Variants in DLG2 observed in about 807,000 individuals in gnomAD.
DLG2 encodes the protein discs large MAGUK scaffold protein 2.
In DLG2, 45 loss-of-function variants were observed where a neutral mutation model predicts 132.5. That is an observed-to-expected ratio of 0.34 (90% CI 0.27 to 0.44). DLG2 has a LOEUF of 0.44. Ranked by LOEUF, DLG2 falls within the 20% of genes least tolerant of loss-of-function variation. The pLI is 1.00. For missense variants in DLG2, 1,045 were observed against 1,196.9 expected, an observed-to-expected ratio of 0.87 and a Z score of 1.87; for synonymous variants, 424 against 419.6, an observed-to-expected ratio of 1.01 and a Z score of -0.13.
chr11:85,577,973 C>G (rs571877131), intron 3 of DLG2, among the ~76,000 whole-genome samples: 4 of 152,234 alleles, frequency 2.6e-5, no homozygotes, highest in Non-Finnish European at 5.9e-5. Context: ...AGGCATCATG[C>G]TACCTGACTT....
intron 18 of DLG2, among the ~76,000 whole-genome samples, chr11:83,643,877 T>C (rs2067323835): frequency 6.6e-6 from 1 of 152,090 alleles, no homozygotes; most frequent in South Asian, 2.1e-4. Flanking sequence ...CTAGACTTTG[T>C]TCTACAAGTG....
intron 7 of DLG2, among the ~76,000 whole-genome samples, chr11:84,344,282 C>A (rs1157652922): frequency 6.6e-6 from 1 of 152,086 alleles, no homozygotes; most frequent in East Asian, 1.9e-4. Flanking sequence ...TGTAAAATGT[C>A]TGTACTAATT....
At chr11:85,249,566 G>A (rs1162756209) in intron 4 of DLG2, among the ~76,000 whole-genome samples, 1 of 152,078 alleles carries the variant, frequency 6.6e-6, no homozygotes, top group Non-Finnish European at 1.5e-5. Flanking sequence ...AGTTGAGAGT[G>A]CTGAGAACAA....
At chr11:85,379,979 A>G (rs2085740932) in intron 3 of DLG2, among the ~76,000 whole-genome samples, 1 of 152,238 alleles carries the variant, frequency 6.6e-6, no homozygotes, top group Non-Finnish European at 1.5e-5. Flanking sequence ...ATTACATAAA[A>G]GATGAACATC....
intron 7 of DLG2, among the ~76,000 whole-genome samples, chr11:84,321,199 C>T (rs1274627506): frequency 1.3e-5 from 2 of 152,088 alleles, no homozygotes; most frequent in Non-Finnish European, 2.9e-5. Flanking sequence ...ATATCTTTAA[C>T]ATTTATCTAT....
intron 3 of DLG2, among the ~76,000 whole-genome samples, chr11:85,592,270 A>G (rs1000017723): frequency 1.3e-5 from 2 of 152,226 alleles, no homozygotes; most frequent in Non-Finnish European, 2.9e-5. Context: ...TTCAATTGCA[A>G]TAACTAAAAC....
rs576780661 is a variant in DLG2, at chr11:85,123,041, G to A, written c.283-11306C>T. Among the ~76,000 whole-genome samples the A allele has an allele frequency of 2.5e-4, 33 of 132,878 alleles. No homozygotes were observed. The East Asian group carries it at 7.0e-3, about 28-fold the overall frequency. The allele number at this position is 132,878 out of a possible 152,430, so 87.2% of individuals were successfully genotyped here. A position where few individuals can be genotyped will look rare whatever the true frequency, so the allele number is the denominator to read the frequency against. ...CGCCCAAGCTGGAGTGCCATGGTGC[G>A]ATCTCGGCTCACTGCAAGCTCCACC... On this transcript the variant is annotated intron_variant, in intron 5 of 27. Coordinates refer to ENST00000376104, the MANE Select transcript of DLG2 (RefSeq NM_001142699.3).
chr11:84,310,513 G>T (rs775370390), intron 7 of DLG2, among the ~76,000 whole-genome samples: 2 of 151,934 alleles, frequency 1.3e-5, no homozygotes, highest in African/African-American at 2.4e-5. Flanking sequence ...GCCTCTCCTT[G>T]CCCTATCCCA....
intron 11 of DLG2, among the ~76,000 whole-genome samples, chr11:84,023,113 G>C (rs541243448): frequency 2.6e-5 from 4 of 152,222 alleles, no homozygotes; most frequent in African/African-American, 7.2e-5. Context: ...ATAAAAACTA[G>C]AAGATTCAAT....
intron 8 of DLG2, among the ~76,000 whole-genome samples, chr11:84,196,662 C>A (rs1277794389): frequency 6.6e-6 from 1 of 152,024 alleles, no homozygotes; most frequent in East Asian, 1.9e-4. Flanking sequence ...TATAATTTAC[C>A]TTAAATTAAA....
Position 85,025,375 on chromosome 11 carries a change from T to C in DLG2, c.357+86286A>G, listed in dbSNP as rs150714977. On this transcript the variant is annotated intron_variant, in intron 6 of 27. Transcript: ENST00000376104. ...TAAAGAAGTGTTGTTGGAGTCTGAC[T>C]TTCCTCGATGAAATGTTAGACACTA... 1.9e-3 allele frequency among the ~76,000 whole-genome samples: 283 copies of C among 152,326 alleles called. 1 individual carries two copies. Among genetic ancestry groups the C allele is most frequent in the African/African-American group, 6.7e-3 (278 of 41,578 alleles).
chr11:84,894,899 T>TGG (rs776603464), intron 6 of DLG2, among the ~76,000 whole-genome samples: 42,490 of 151,902 alleles, frequency 0.28, 6,256 homozygotes, highest in Middle Eastern at 0.3. Flanking sequence ...TTGCGGATTC[T>TGG]GAGCCAGCTT....
chr11:85,335,106 G>T (rs1034577686), intron 3 of DLG2, among the ~76,000 whole-genome samples: 4 of 152,098 alleles, frequency 2.6e-5, no homozygotes, highest in African/African-American at 9.7e-5. Context: ...GTGCTCCAGT[G>T]TTGGGTGCAT....
intron 18 of DLG2, among the ~76,000 whole-genome samples, chr11:83,640,939 T>C (rs1252685355): frequency 6.6e-6 from 1 of 152,102 alleles, no homozygotes; most frequent in Admixed American, 6.5e-5. Flanking sequence ...TGGATTTGAG[T>C]CCTGGCTCTG....
intron 6 of DLG2, among the ~76,000 whole-genome samples, chr11:85,094,631 G>GAATT (rs2069418308): frequency 6.6e-6 from 1 of 152,176 alleles, no homozygotes; most frequent in Non-Finnish European, 1.5e-5. Context: ...GGTCTTCAGA[G>GAATT]AATTAAAGAA....
intron 3 of DLG2, among the ~76,000 whole-genome samples, chr11:85,406,522 A>G (rs1231181314): frequency 6.6e-6 from 1 of 151,918 alleles, no homozygotes; most frequent in Non-Finnish European, 1.5e-5. Context: ...CATGTTGCTG[A>G]GACAGAAGAC....
chr11:85,154,528 T>TAAAAAAAAAAAAAAAAAAAAAA, intron 5 of DLG2, 28 bp downstream of exon 5: 1 of 1,112,446 alleles, frequency 9.0e-7, no homozygotes, highest in Non-Finnish European at 1.3e-6. Context: ...TGAAGCCTAG[T>TAAAAAAAAAAAAAAAAAAAAAA]AAGAAAAGAA....
In DLG2 at chr11:83,588,389, A is replaced by G. The variant is rs377416829; in HGVS notation, c.1940+44822T>C. ...GCAGGGGCACACTGACACCTCACAC[A>G]GCAGGGTATTCCAACAGACCTGCAG... On this transcript the variant is annotated intron_variant, in intron 19 of 27. Transcript: ENST00000376104. 3.2e-3 allele frequency among the ~76,000 whole-genome samples: 492 copies of G among 151,858 alleles called. 1 individual carries two copies. Among genetic ancestry groups the G allele is most frequent in the Middle Eastern group, 0.01 (3 of 294 alleles).
chr11:84,740,843 C>G (rs1438622262), intron 6 of DLG2, among the ~76,000 whole-genome samples: 1 of 152,162 alleles, frequency 6.6e-6, no homozygotes, highest in Admixed American at 6.5e-5. Context: ...TCTTGAGCCA[C>G]TGAGTAGATG....
Sources: allele counts gnomAD v4.1 joint callset (sites outside exome capture counted in the v4.1 genomes callset), GRCh38; gene constraint gnomAD v4.1.1; transcripts MANE v1.5; gene names NCBI Gene and HGNC (gene_info 2026-07-23, HGNC 2026-07-21).